Variants in C6orf118 observed in about 807,000 individuals in gnomAD.
C6orf118 encodes chromosome 6 open reading frame 118.
In C6orf118, 50 loss-of-function variants were observed where a neutral mutation model predicts 50.2. The ratio of observed to expected loss-of-function variants is 1.00; its 90% CI spans 0.79 to 1.26. C6orf118 has a LOEUF of 1.26. Among genes scored for constraint, C6orf118 ranks in the 50% most tolerant of loss-of-function variants. The pLI is 0.00. For synonymous variants in C6orf118, 239 were observed against 230.9 expected, an observed-to-expected ratio of 1.03 and a Z score of -0.32; for missense variants, 641 against 578.7, an observed-to-expected ratio of 1.11 and a Z score of -1.10.
chr6:165,292,343 G>A (rs1175809231), intron 6 of C6orf118, among the ~76,000 whole-genome samples: 4 of 152,106 alleles, frequency 2.6e-5, no homozygotes, highest in Non-Finnish European at 1.5e-5. Context: ...GAAGAACCAG[G>A]GGCACCAGGT....
intron 1 of C6orf118, among the ~76,000 whole-genome samples, chr6:165,302,527 G>T (rs1344907238): frequency 1.3e-5 from 2 of 152,174 alleles, no homozygotes; most frequent in Admixed American, 1.3e-4. Context: ...CAACCCGAAA[G>T]CTCAGGACCG....
intron 5 of C6orf118, among the ~76,000 whole-genome samples, chr6:165,296,676 G>C (rs1241299827): frequency 6.6e-6 from 1 of 152,130 alleles, no homozygotes; most frequent in African/African-American, 2.4e-5. Flanking sequence ...TCTCTCTCTT[G>C]CTCCCCTACC....
At chr6:165,298,326 T>A (rs963728461) in intron 4 of C6orf118, among the ~76,000 whole-genome samples, 1 of 152,244 alleles carries the variant, frequency 6.6e-6, no homozygotes, top group Non-Finnish European at 1.5e-5. Context: ...GTTAAAAGTT[T>A]ATTTTTCTAA....
rs116215658 is a variant in C6orf118 at position 165,303,142 on chromosome 6, C to T, written c.26-846G>A. ...CCCATCCATACCCTCCTCAGAGAAA[C>T]TTCCTCTGTCCATTGAGAAGCAAAC... On this transcript the variant is annotated intron_variant, in intron 1 of 8. Transcript: ENST00000230301. Among the ~76,000 whole-genome samples, 208 of 152,314 alleles carry T rather than the reference C, an allele frequency of 1.4e-3. 1 individual carries two copies. The highest frequency in any genetic ancestry group is 4.5e-3 in the African/African-American group (187 of 41,574).
At chr6:165,294,909 A>T (rs907294259) in intron 5 of C6orf118, among the ~76,000 whole-genome samples, 9 of 152,158 alleles carry the variant, frequency 5.9e-5, no homozygotes, top group Admixed American at 1.3e-4. Context: ...GAAACTGGGG[A>T]TTCAATGGAT....
chr6:165,285,211 A>G (rs1764933811), intron 7 of C6orf118, among the ~76,000 whole-genome samples: 2 of 152,258 alleles, frequency 1.3e-5, no homozygotes, highest in African/African-American at 4.8e-5. Context: ...ATAAAAAAAT[A>G]CAAAGAATGG....
In C6orf118 at chr6:165,299,428, G is replaced by A; in HGVS notation, c.936+15C>T. The stretch of plus-strand genomic sequence containing the variant: ...TAAGCAGGCTCTATTCAGGCTCTTT[G>A]TGATCGATCGTCACCTCGTACTGTG... On this transcript the variant is annotated intron_variant, in intron 4 of 8. Coordinates refer to ENST00000230301, the MANE Select transcript of C6orf118 (RefSeq NM_144980.4). The A allele has an allele frequency of 6.2e-7, 1 of 1,613,102 alleles. No homozygotes were observed. Among genetic ancestry groups the A allele is most frequent in the Non-Finnish European group, 8.5e-7 (1 of 1,179,154 alleles).
chr6:165,293,772 G>A (rs1780189277), intron 5 of C6orf118, among the ~76,000 whole-genome samples: 1 of 151,560 alleles, frequency 6.6e-6, no homozygotes, highest in African/African-American at 2.4e-5. Context: ...GAAGGAAGAA[G>A]GCAAAAAAAA....
intron 5 of C6orf118, among the ~76,000 whole-genome samples, chr6:165,297,762 C>T (rs1780361286): frequency 6.6e-6 from 1 of 152,150 alleles, no homozygotes; most frequent in Non-Finnish European, 1.5e-5. Flanking sequence ...AGAAACCTGC[C>T]CAAACTCCCC....
At chr6:165,309,300 C>T (rs530467305) in intron 1 of C6orf118, among the ~76,000 whole-genome samples, 2 of 152,220 alleles carry the variant, frequency 1.3e-5, no homozygotes, top group African/African-American at 2.4e-5. Context: ...ACGGCGCGTC[C>T]GTCCGCGCAG....
chr6:165,294,722 C>T (rs1331743002), intron 5 of C6orf118, among the ~76,000 whole-genome samples: 2 of 152,000 alleles, frequency 1.3e-5, no homozygotes, highest in Non-Finnish European at 2.9e-5. Context: ...CCCAGCTCTA[C>T]TTAAAAATAA....
chr6:165,301,036 T>C (rs1405897855), intron 2 of C6orf118, among the ~76,000 whole-genome samples: 2 of 152,068 alleles, frequency 1.3e-5, no homozygotes, highest in African/African-American at 4.8e-5. Context: ...TCTGCTGACC[T>C]ACGAACATCT....
chr6:165,283,296 G>A (rs1007752871), intron 7 of C6orf118, among the ~76,000 whole-genome samples: 3 of 152,190 alleles, frequency 2.0e-5, no homozygotes, highest in Non-Finnish European at 2.9e-5. Context: ...ACCCTGCCCA[G>A]GAAACCATGC....
rs146034767 is a variant in C6orf118 at position 165,288,532 on chromosome 6, C to A, written c.1302+1354G>T. ...CACAATAGCAAAGACATGGAATGAA[C>A]CCAAATGCCCATCAACGATAGGCTA... On this transcript the variant is annotated intron_variant, in intron 7 of 8. Coordinates refer to ENST00000230301, the MANE Select transcript of C6orf118 (RefSeq NM_144980.4). 3.7e-4 allele frequency among the ~76,000 whole-genome samples: 56 copies of A among 152,194 alleles called. 1 individual carries two copies. The East Asian group carries it at 0.011, about 29-fold the overall frequency.
intron 3 of C6orf118, 119 bp downstream of exon 3, chr6:165,300,245 T>C (rs1780467699): frequency 8.3e-7 from 1 of 1,212,114 alleles, no homozygotes; most frequent in South Asian, 1.5e-5. Flanking sequence ...TGATGGTCCC[T>C]GTCTGTAGAA....
Position 165,291,381 on chromosome 6 carries a change from G to T in C6orf118, c.1121-1314C>A, listed in dbSNP as rs544719209. On this transcript the variant is annotated intron_variant, in intron 6 of 8. Coordinates refer to ENST00000230301, the MANE Select transcript of C6orf118 (RefSeq NM_144980.4). ...TTCAATGAAGCATGGAGGTAAGAAA[G>T]AACTTGGTTTCAATCCCACCTTGGC... Among the ~76,000 whole-genome samples, 31 of 152,306 alleles carry T rather than the reference G, an allele frequency of 2.0e-4. No individual in the cohort carries two copies. In the East Asian group the frequency reaches 5.8e-3, roughly 28 times the overall value.
chr6:165,301,621 T>C lies in C6orf118; in HGVS notation c.701A>G (p.Asn234Ser), dbSNP rs748568463. ...EVLAKQDLLK[N>S]DFTGSKAAAG... is the part of the protein sequence containing the mutation. ...GGCCGCCTTGCTCCCAGTGAAGTCATTCTTCAGGAGATCTTGCTTGGCGAG... is the reference window on the plus strand; with the variant it reads ...GGCCGCCTTGCTCCCAGTGAAGTCACTCTTCAGGAGATCTTGCTTGGCGAG... The change falls in exon 2 of 9, where the codon AAT becomes AGT. Residue 234 changes from asparagine (N) to serine (S), a missense_variant. Physicochemically the swap from Asn to Ser is conservative, Grantham distance 46. Transcript: ENST00000230301. The C allele has an allele frequency of 1.2e-6, 2 of 1,614,092 alleles. No individual in the cohort carries two copies. The highest frequency in any genetic ancestry group is 2.2e-5 in the South Asian group (2 of 91,072).
rs772247885 is a variant in C6orf118 at position 165,280,086 on chromosome 6, T to C, written c.1381A>G (p.Ile461Val). 1.2e-6 allele frequency: 2 copies of C among 1,608,624 alleles called. No individual in the cohort carries two copies. The highest frequency in any genetic ancestry group is 1.7e-6 in the Non-Finnish European group (2 of 1,178,582). ...CTTCTGTTTCCTCTGATTTTACAAA[T>C]TCCTTGATAAATTTCCAAAGGCCCC... ...IKGPLEIYQG[I>V]CKIRGNRR Residue 461 changes from isoleucine to valine, a missense_variant, in exon 9 of 9, where the codon ATT becomes GTT. Transcript: ENST00000230301.
At chr6:165,297,868 A>G in intron 5 of C6orf118, 109 bp downstream of exon 5, 1 of 1,485,812 alleles carries the variant, frequency 6.7e-7, no homozygotes, top group Non-Finnish European at 9.3e-7. Context: ...CAAAAGTAGC[A>G]TGTTTTCAGC....
Sources: allele counts gnomAD v4.1 joint callset (sites outside exome capture counted in the v4.1 genomes callset), GRCh38; gene constraint gnomAD v4.1.1; transcripts MANE v1.5; gene names NCBI Gene and HGNC (gene_info 2026-07-23, HGNC 2026-07-21).